SMIM38: variants seen among roughly 807,000 people sequenced by gnomAD.
The protein encoded by SMIM38 is small integral membrane protein 38.
At chr11:69,156,642 G>T (rs1182369362) in intron 1 of SMIM38, among the ~76,000 whole-genome samples, 1 of 152,176 alleles carries the variant, frequency 6.6e-6, no homozygotes, top group African/African-American at 2.4e-5. Context: ...AGGCTGGGCA[G>T]ACACTGTTAT....
In SMIM38 at chr11:69,157,924, C is replaced by T. The variant is rs1490479623; in HGVS notation, c.78C>T (p.Leu26=). The part of the protein sequence containing the change: ...ALLVVILLAR[L]ILWSCLGTYI... Reference sequence around the variant, plus strand: ...TGGTGGTGATCCTGCTAGCACGCCTCATCCTGTGGTCCTGCCTCGGGACCT... The same window carrying T: ...TGGTGGTGATCCTGCTAGCACGCCTTATCCTGTGGTCCTGCCTCGGGACCT... The change falls in exon 2 of 3, where the codon CTC becomes CTT. Residue 26 remains leucine (L), a synonymous_variant. Coordinates refer to ENST00000686237, the MANE Select transcript of SMIM38 (RefSeq NM_001369201.2). The T allele has an allele frequency of 1.5e-5, 6 of 399,098 alleles. No homozygotes were observed. Among genetic ancestry groups the T allele is most frequent in the Non-Finnish European group, 2.2e-5 (5 of 226,546 alleles). 24.7% of individuals were successfully genotyped at this position (399,098 alleles called of 1,614,324 possible).
rs1857045172 is a variant in SMIM38 at position 69,160,644 on chromosome 11, CCTAT to C, written c.*2551_*2554del. On this transcript the variant is annotated 3_prime_UTR_variant, in exon 3 of 3. Transcript: ENST00000686237. ...AGATTCTGCCAACCTCCTCCGACTC[CCTAT>C]CTCAGTTACACTGGTCCATAATTTC... is the stretch of plus-strand genomic sequence containing the variant. The C allele has an allele frequency of 6.6e-6, 1 of 152,238 alleles. No homozygotes were observed. The highest frequency in any genetic ancestry group is 1.5e-5 in the Non-Finnish European group (1 of 68,054). The allele number at this position is 152,238 out of a possible 1,614,324, so 9.4% of individuals were successfully genotyped here.
At position 69,162,162 on chromosome 11, in the gene SMIM38, C is replaced by T. The variant is rs1004753533; in HGVS notation, c.*4066C>T. 6.6e-6 allele frequency: 1 copy of T among 152,122 alleles called. No individual in the cohort carries two copies. The highest frequency in any genetic ancestry group is 2.4e-5 in the African/African-American group (1 of 41,422). The allele number at this position is 152,122 out of a possible 1,614,324, so 9.4% of individuals were successfully genotyped here. On this transcript the variant is annotated 3_prime_UTR_variant, in exon 3 of 3. Coordinates refer to ENST00000686237, the MANE Select transcript of SMIM38 (RefSeq NM_001369201.2). ...ACCACAGATACAATGTTGAATAAGG[C>T]AAAGCACCTGCCCTCAGGTAGCTTG... is the stretch of plus-strand genomic sequence containing the variant.
In SMIM38 at chr11:69,161,309, AAC is replaced by A. The variant is rs1201287033; in HGVS notation, c.*3215_*3216del. On this transcript the variant is annotated 3_prime_UTR_variant, in exon 3 of 3. Coordinates refer to ENST00000686237, the MANE Select transcript of SMIM38 (RefSeq NM_001369201.2). ...CTGAATGCCAAGTTTGTTATAAAGA[AAC>A]AGAGGCAAAATGGCGATCAGGCAGG... The A allele has an allele frequency of 6.6e-6, 1 of 152,220 alleles. No individual in the cohort carries two copies. Among genetic ancestry groups the A allele is most frequent in the Non-Finnish European group, 1.5e-5 (1 of 68,022 alleles). 9.4% of individuals were successfully genotyped at this position (152,220 alleles called of 1,614,324 possible). A position where few individuals can be genotyped will look rare whatever the true frequency, so the allele number is the denominator to read the frequency against.
chr11:69,156,499 A>T (rs908820440), intron 1 of SMIM38, among the ~76,000 whole-genome samples: 1 of 152,086 alleles, frequency 6.6e-6, no homozygotes, highest in African/African-American at 2.4e-5. Context: ...CCAGAGCTGG[A>T]CTTGGGGGGC....
intron 1 of SMIM38, 27 bp downstream of exon 1, chr11:69,156,141 C>G (rs967377441): frequency 6.6e-6 from 1 of 152,416 alleles, no homozygotes; most frequent in East Asian, 1.9e-4. Context: ...CTCCACTTCC[C>G]GTTTGAACGT....
chr11:69,158,473 G>C lies in SMIM38; in HGVS notation c.*471G>C, dbSNP rs918921770. 1 of 152,792 alleles carries C rather than the reference G, an allele frequency of 6.5e-6. No individual in the cohort carries two copies. Among genetic ancestry groups the C allele is most frequent in the Non-Finnish European group, 1.5e-5 (1 of 68,498 alleles). 9.5% of individuals were successfully genotyped at this position (152,792 alleles called of 1,614,324 possible). ...ACTAGTCTCCTCCTGCCTCCCAAGGGACGAGATAAGTGCCGATGGCTGTCC... is the reference window on the plus strand; with the variant it reads ...ACTAGTCTCCTCCTGCCTCCCAAGGCACGAGATAAGTGCCGATGGCTGTCC... On this transcript the variant is annotated 3_prime_UTR_variant, in exon 2 of 3. Transcript: ENST00000686237.
Position 69,155,958 on chromosome 11 carries a change from G to C in SMIM38, c.-830G>C, listed in dbSNP as rs1262655951. On this transcript the variant is annotated 5_prime_UTR_variant, in exon 1 of 3. Coordinates refer to ENST00000686237, the MANE Select transcript of SMIM38 (RefSeq NM_001369201.2). ...GCCCAGAGCTCAACGTTCCCTAAGT[G>C]AGTGGCCTTTGACAGCAGTGCCAGG... 1 of 152,368 alleles carries C rather than the reference G, an allele frequency of 6.6e-6. No homozygotes were observed. The highest frequency in any genetic ancestry group is 6.5e-5 in the Admixed American group (1 of 15,290). The allele number at this position is 152,368 out of a possible 1,614,324, so 9.4% of individuals were successfully genotyped here.
Position 69,155,977 on chromosome 11 carries a change from TGC to T in SMIM38, c.-810_-809del, listed in dbSNP as rs1856981243. 1 of 152,280 alleles carries T rather than the reference TGC, an allele frequency of 6.6e-6. No individual in the cohort carries two copies. Among genetic ancestry groups the T allele is most frequent in the Non-Finnish European group, 1.5e-5 (1 of 68,096 alleles). 9.4% of individuals were successfully genotyped at this position (152,280 alleles called of 1,614,324 possible). A position where few individuals can be genotyped will look rare whatever the true frequency, so the allele number is the denominator to read the frequency against. ...CTAAGTGAGTGGCCTTTGACAGCAG[TGC>T]CAGGCAGCCCAGTGGGTGCAGGGCA... On this transcript the variant is annotated 5_prime_UTR_variant, in exon 1 of 3. Coordinates refer to ENST00000686237, the MANE Select transcript of SMIM38 (RefSeq NM_001369201.2).
rs1590781612 is a variant in SMIM38 at position 69,160,651 on chromosome 11, C to T, written c.*2555C>T. ...GCCAACCTCCTCCGACTCCCTATCT[C>T]AGTTACACTGGTCCATAATTTCTTT... On this transcript the variant is annotated 3_prime_UTR_variant, in exon 3 of 3. Transcript: ENST00000686237. The T allele has an allele frequency of 6.6e-6, 1 of 152,384 alleles. No individual in the cohort carries two copies. Among genetic ancestry groups the T allele is most frequent in the Non-Finnish European group, 1.5e-5 (1 of 68,054 alleles). 9.4% of individuals were successfully genotyped at this position (152,384 alleles called of 1,614,324 possible).
At chr11:69,156,419 G>A (rs577143743) in intron 1 of SMIM38, among the ~76,000 whole-genome samples, 16 of 152,342 alleles carry the variant, frequency 1.1e-4, no homozygotes, top group African/African-American at 3.8e-4. Context: ...TTTACAGGAT[G>A]TAGGCTTGGA....
chr11:69,157,557 CA>C lies in SMIM38; in HGVS notation c.-289del, dbSNP rs1375064691. ...AGTGGTTAATTCTGGATGAATGGTA[CA>C]CGGGCCTCTTGACCAAGGAGGCTGC... On this transcript the variant is annotated 5_prime_UTR_variant, in exon 2 of 3. An upstream open reading frame in the 5' UTR loses its in-frame stop. Coordinates refer to ENST00000686237, the MANE Select transcript of SMIM38 (RefSeq NM_001369201.2). 3.1e-6 allele frequency: 1 copy of C among 322,814 alleles called. No individual in the cohort carries two copies. Among genetic ancestry groups the C allele is most frequent in the Non-Finnish European group, 5.6e-6 (1 of 177,936 alleles). 20.0% of individuals were successfully genotyped at this position (322,814 alleles called of 1,614,324 possible). A position where few individuals can be genotyped will look rare whatever the true frequency, so the allele number is the denominator to read the frequency against.
rs1253557675 is a variant in SMIM38, at chr11:69,162,420, TAAATA to T, written c.*4330_*4334del. On this transcript the variant is annotated 3_prime_UTR_variant, in exon 3 of 3. Coordinates refer to ENST00000686237, the MANE Select transcript of SMIM38 (RefSeq NM_001369201.2). ...TAATACTATTTTGGACAGATTGGGT[TAAATA>T]AAATATTAAATTTGATTTCGCCTGT... The T allele has an allele frequency of 1.3e-5, 2 of 152,246 alleles. No individual in the cohort carries two copies. The highest frequency in any genetic ancestry group is 2.9e-5 in the Non-Finnish European group (2 of 68,046). 9.4% of individuals were successfully genotyped at this position (152,246 alleles called of 1,614,324 possible).
Position 69,156,121 on chromosome 11 carries a change from T to G in SMIM38, c.-674+7T>G, listed in dbSNP as rs542918180. ...AGGCGGTGCCCGGCCCAAGGTGAGT[T>G]GGCATCATGCTCCACTTCCCGTTTG... is the stretch of plus-strand genomic sequence containing the variant. On this transcript the variant is annotated splice_region_variant and intron_variant, in intron 1 of 2. Coordinates refer to ENST00000686237, the MANE Select transcript of SMIM38 (RefSeq NM_001369201.2). The G allele has an allele frequency of 6.6e-6, 1 of 152,432 alleles. No homozygotes were observed. Among genetic ancestry groups the G allele is most frequent in the South Asian group, 2.1e-4 (1 of 4,832 alleles). 9.4% of individuals were successfully genotyped at this position (152,432 alleles called of 1,614,324 possible). A position where few individuals can be genotyped will look rare whatever the true frequency, so the allele number is the denominator to read the frequency against.
At position 69,159,930 on chromosome 11, in the gene SMIM38, G is replaced by T. The variant is rs1433124655; in HGVS notation, c.*1834G>T. ...CAGAGCTAGGAGGGCCAGCTGTTCC[G>T]GGTTGCCCAGGGCTGTCTTGTTTTT... On this transcript the variant is annotated 3_prime_UTR_variant, in exon 3 of 3. Transcript: ENST00000686237. 1 of 152,164 alleles carries T rather than the reference G, an allele frequency of 6.6e-6. No individual in the cohort carries two copies. Among genetic ancestry groups the T allele is most frequent in the Non-Finnish European group, 1.5e-5 (1 of 68,028 alleles). 9.4% of individuals were successfully genotyped at this position (152,164 alleles called of 1,614,324 possible).
Position 69,160,515 on chromosome 11 carries a change from C to A in SMIM38, c.*2419C>A, listed in dbSNP as rs1477752705. 1 of 152,194 alleles carries A rather than the reference C, an allele frequency of 6.6e-6. No homozygotes were observed. Among genetic ancestry groups the A allele is most frequent in the African/African-American group, 2.4e-5 (1 of 41,402 alleles). 9.4% of individuals were successfully genotyped at this position (152,194 alleles called of 1,614,324 possible). On this transcript the variant is annotated 3_prime_UTR_variant, in exon 3 of 3. Coordinates refer to ENST00000686237, the MANE Select transcript of SMIM38 (RefSeq NM_001369201.2). ...AGAATCCTGGGACTTCTGCTGGAGC[C>A]AGGGGTCAGAACAGACTCCTCTACT...
rs531433899 is a variant in SMIM38 at position 69,158,848 on chromosome 11, C to T, written c.*846C>T. ...GTTAGCCGTGATGCCAGTGACTTAA[C>T]CCACAGCTTGGGGAAGCTCAAAGGC... On this transcript the variant is annotated 3_prime_UTR_variant, in exon 2 of 3. Transcript: ENST00000686237. The T allele has an allele frequency of 6.6e-6, 1 of 152,404 alleles. No individual in the cohort carries two copies. Among genetic ancestry groups the T allele is most frequent in the Admixed American group, 6.5e-5 (1 of 15,310 alleles). 9.4% of individuals were successfully genotyped at this position (152,404 alleles called of 1,614,324 possible). A position where few individuals can be genotyped will look rare whatever the true frequency, so the allele number is the denominator to read the frequency against.
In SMIM38 at chr11:69,161,486, C is replaced by G. The variant is rs1323826501; in HGVS notation, c.*3390C>G. ...TGCCCTTCAGGAATAGCAGCTGAGTCAAGCTGTCCTTGGCTGCTCCAATCT... is the reference window on the plus strand; with the variant it reads ...TGCCCTTCAGGAATAGCAGCTGAGTGAAGCTGTCCTTGGCTGCTCCAATCT... On this transcript the variant is annotated 3_prime_UTR_variant, in exon 3 of 3. Coordinates refer to ENST00000686237, the MANE Select transcript of SMIM38 (RefSeq NM_001369201.2). 6.6e-6 allele frequency: 1 copy of G among 152,234 alleles called. No homozygotes were observed. Among genetic ancestry groups the G allele is most frequent in the Non-Finnish European group, 1.5e-5 (1 of 68,038 alleles). 9.4% of individuals were successfully genotyped at this position (152,234 alleles called of 1,614,324 possible).
At position 69,158,210 on chromosome 11, in the gene SMIM38, G is replaced by A. The variant is rs1857014976; in HGVS notation, c.*208G>A. The stretch of plus-strand genomic sequence containing the variant: ...GCAGCTGGCCATGTGGGGAGATGGA[G>A]GGGCCGGCCTTGCAGGTCCATCACC... On this transcript the variant is annotated 3_prime_UTR_variant, in exon 2 of 3. Transcript: ENST00000686237. 5.2e-6 allele frequency: 2 copies of A among 386,158 alleles called. No homozygotes were observed. Among genetic ancestry groups the A allele is most frequent in the Non-Finnish European group, 4.6e-6 (1 of 218,696 alleles). The allele number at this position is 386,158 out of a possible 1,614,324, so 23.9% of individuals were successfully genotyped here.
Sources: allele counts gnomAD v4.1 joint callset (sites outside exome capture counted in the v4.1 genomes callset), GRCh38; gene constraint gnomAD v4.1.1; transcripts MANE v1.5; gene names NCBI Gene and HGNC (gene_info 2026-07-23, HGNC 2026-07-21).